Variants in DIAPH2 observed in about 807,000 individuals in gnomAD.
DIAPH2 encodes protein diaphanous homolog 2.
DIAPH2 carries 35 observed loss-of-function variants against 92.7 expected under a neutral mutation model. That is an observed-to-expected ratio of 0.38 (90% CI 0.29 to 0.50). DIAPH2 has a LOEUF of 0.50. DIAPH2 is among the 20% of genes least tolerant of loss of function. The pLI is 0.94. For synonymous variants in DIAPH2, 301 were observed against 280.4 expected, an observed-to-expected ratio of 1.07 and a Z score of -0.73; for missense variants, 701 against 819.5, an observed-to-expected ratio of 0.86 and a Z score of 1.77.
intron 3 of DIAPH2, among the ~76,000 whole-genome samples, chrX:96,741,635 C>T (rs2064120465): frequency 9.1e-6 from 1 of 109,781 alleles, no homozygotes; most frequent in Admixed American, 9.8e-5. Context: ...AGTGCACCAC[C>T]ATACCCAGCT....
intron 20 of DIAPH2, among the ~76,000 whole-genome samples, chrX:97,113,864 G>A (rs917599656): frequency 1.8e-5 from 2 of 111,725 alleles, no homozygotes; most frequent in African/African-American, 6.5e-5. Flanking sequence ...GCATGTGTCT[G>A]TGTGCGTTCA....
In DIAPH2 at chrX:96,758,114, G is replaced by T. The variant is rs746522170; in HGVS notation, c.343-40G>T. ...TAATCACTTTTGAAGCTCTTAAGTG[G>T]AAATTTATCAATGCCCACAGTAAAT... On this transcript the variant is annotated intron_variant, in intron 3 of 26. Transcript: ENST00000324765. The T allele has an allele frequency of 5.5e-6, 6 of 1,095,335 alleles. No individual in the cohort carries two copies. The African/African-American group carries it at 9.3e-5, about 17-fold the overall frequency. 90.3% of individuals were successfully genotyped at this position (1,095,335 alleles called of 1,213,427 possible). A position where few individuals can be genotyped will look rare whatever the true frequency, so the allele number is the denominator to read the frequency against.
At chrX:97,186,394 C>T (rs754947396) in intron 22 of DIAPH2, among the ~76,000 whole-genome samples, 25 of 111,798 alleles carry the variant, frequency 2.2e-4, no homozygotes, top group Non-Finnish European at 4.3e-4. Context: ...AATCTACCCA[C>T]CTGTACTAAT....
intron 17 of DIAPH2, among the ~76,000 whole-genome samples, chrX:97,019,736 A>G (rs1337275046): frequency 9.3e-6 from 1 of 107,028 alleles, no homozygotes; most frequent in Non-Finnish European, 1.9e-5. Context: ...AATATGTAAT[A>G]GGCATTAATA....
chrX:96,959,259 G>T (rs984760223), intron 16 of DIAPH2, among the ~76,000 whole-genome samples: 5 of 111,521 alleles, frequency 4.5e-5, no homozygotes, highest in African/African-American at 9.8e-5. Flanking sequence ...GTATATGAAA[G>T]TTCCCTTTTC....
chrX:96,784,946 A>G (rs1292645015), intron 4 of DIAPH2, among the ~76,000 whole-genome samples: 2 of 112,214 alleles, frequency 1.8e-5, no homozygotes, highest in Admixed American at 9.5e-5. Context: ...TAAGAAGGCA[A>G]TCTCTGGAGT....
intron 23 of DIAPH2, among the ~76,000 whole-genome samples, chrX:97,306,674 T>G (rs1288373756): frequency 1.8e-5 from 2 of 111,818 alleles, no homozygotes; most frequent in African/African-American, 3.3e-5. Context: ...CTAATTTCTT[T>G]GTATCTGGGT....
intron 22 of DIAPH2, among the ~76,000 whole-genome samples, chrX:97,144,835 G>C (rs914006433): frequency 9.0e-5 from 10 of 111,450 alleles, no homozygotes; most frequent in African/African-American, 3.3e-4. Context: ...CACAATCTTA[G>C]CTCACTGCAA....
At chrX:97,099,852 AAC>A in intron 20 of DIAPH2, 57 bp downstream of exon 20, 4 of 615,374 alleles carry the variant, frequency 6.5e-6, no homozygotes, top group East Asian at 7.9e-5. Flanking sequence ...ACTTGCCAGA[AAC>A]AGTGAAAAGA....
intron 5 of DIAPH2, among the ~76,000 whole-genome samples, chrX:96,904,110 T>C (rs1028824559): frequency 3.6e-5 from 4 of 112,086 alleles, no homozygotes; most frequent in African/African-American, 1.3e-4. Context: ...GTAAGACTGA[T>C]AGAATAAACG....
chrX:97,286,643 C>T (rs1183742417), intron 23 of DIAPH2, among the ~76,000 whole-genome samples: 1 of 111,218 alleles, frequency 9.0e-6, no homozygotes, highest in Non-Finnish European at 1.9e-5. Context: ...CCAGATGTTC[C>T]TCTTGGATAG....
chrX:97,331,721 A>G (rs2069003481), intron 23 of DIAPH2, among the ~76,000 whole-genome samples: 1 of 111,691 alleles, frequency 9.0e-6, no homozygotes, highest in Admixed American at 9.6e-5. Context: ...TCAACCATGC[A>G]AACAGTTTTA....
At chrX:96,745,498 T>C (rs2064144877) in intron 3 of DIAPH2, among the ~76,000 whole-genome samples, 1 of 112,272 alleles carries the variant, frequency 8.9e-6, no homozygotes, top group Admixed American at 9.5e-5. Context: ...ACTCTGAAAA[T>C]TGAAACTCTT....
chrX:96,945,782 A>G (rs1360954095), intron 14 of DIAPH2, among the ~76,000 whole-genome samples, 191 bp downstream of exon 14: 1 of 111,685 alleles, frequency 9.0e-6, no homozygotes, highest in Non-Finnish European at 1.9e-5. Context: ...TTCCCTCATC[A>G]TCATGTTTAA....
chrX:97,326,489 C>T (rs1252321218), intron 23 of DIAPH2, among the ~76,000 whole-genome samples: 3 of 112,022 alleles, frequency 2.7e-5, no homozygotes, highest in Non-Finnish European at 5.6e-5. Flanking sequence ...TTGGGGCTTG[C>T]TTTCATGCAT....
intron 4 of DIAPH2, among the ~76,000 whole-genome samples, chrX:96,801,188 A>G (rs1225558338): frequency 8.9e-6 from 1 of 112,410 alleles, no homozygotes. Flanking sequence ...TTTGTTGCAT[A>G]TTGAACAAGA....
At chrX:97,429,222 G>A (rs777360244) in intron 25 of DIAPH2, among the ~76,000 whole-genome samples, 1 of 112,195 alleles carries the variant, frequency 8.9e-6, no homozygotes, top group East Asian at 2.8e-4. Context: ...GTTGAATGCC[G>A]AAAGTATTAA....
At chrX:97,441,240 AC>A in intron 26 of DIAPH2, among the ~76,000 whole-genome samples, 1 of 109,917 alleles carries the variant, frequency 9.1e-6, no homozygotes, top group East Asian at 2.9e-4. Flanking sequence ...ACATGGAGAA[AC>A]CCCGTCTCTA....
chrX:96,906,852 G>A (rs910762101), intron 5 of DIAPH2, among the ~76,000 whole-genome samples: 1 of 111,962 alleles, frequency 8.9e-6, no homozygotes, highest in Non-Finnish European at 1.9e-5. Flanking sequence ...TTTTTACATA[G>A]GGTTGGAAGA....
Sources: allele counts gnomAD v4.1 joint callset (sites outside exome capture counted in the v4.1 genomes callset), GRCh38; gene constraint gnomAD v4.1.1; transcripts MANE v1.5; gene names NCBI Gene and HGNC (gene_info 2026-07-23, HGNC 2026-07-21).